Variants in BUD13 observed in about 807,000 individuals in gnomAD.
BUD13 encodes BUD13 homolog.
Under a neutral mutation model 62.5 loss-of-function variants are expected in BUD13, and 47 were observed. That is an observed-to-expected ratio of 0.75 (90% CI 0.60 to 0.96). The LOEUF is 0.96. Ranked by LOEUF, BUD13 falls within the 40% of genes least tolerant of loss-of-function variation. The probability of loss-of-function intolerance (pLI) is 0.00; values close to 1 mark genes in which losing one functional copy is unlikely to be tolerated. For missense variants in BUD13, 821 were observed against 790.9 expected, an observed-to-expected ratio of 1.04 and a Z score of -0.46; for synonymous variants, 293 against 280.1, an observed-to-expected ratio of 1.05 and a Z score of -0.46.
rs1940455270 is a variant in BUD13 at position 116,762,816 on chromosome 11, G to C, written c.773C>G (p.Ser258Cys). ...CCTTCTGAGTTGCTGTGTGTCTGAAGAGCCAAGAGTCCTCCTAGATGTGTC... is the reference window on the plus strand; with the variant it reads ...CCTTCTGAGTTGCTGTGTGTCTGAACAGCCAAGAGTCCTCCTAGATGTGTC... ...SPDTSRRTLGSSDTQQLRRAR... is the reference protein window; with the variant it reads ...SPDTSRRTLGCSDTQQLRRAR... The change falls in exon 4 of 10, where the codon TCT becomes TGT. Residue 258 changes from serine to cysteine, a missense_variant. By Grantham distance (112) the Ser-to-Cys change is moderately radical. Around this residue, in one of 2 missense-constraint regions of BUD13, gnomAD observed 800 missense variants for 739.2 expected, o/e 1.08. Transcript: ENST00000260210. 2 of 1,612,638 alleles carry C rather than the reference G, an allele frequency of 1.2e-6. No homozygotes were observed. Among genetic ancestry groups the C allele is most frequent in the South Asian group, 2.2e-5 (2 of 90,982 alleles).
At chr11:116,770,785 C>T (rs1046047651) in intron 1 of BUD13, among the ~76,000 whole-genome samples, 3 of 150,668 alleles carry the variant, frequency 2.0e-5, no homozygotes, top group Non-Finnish European at 4.4e-5. Flanking sequence ...TGAGCCACCG[C>T]GCCCGGCCCT....
At chr11:116,748,980 C>CAA (rs58988682) in intron 9 of BUD13, among the ~76,000 whole-genome samples, 68 of 86,832 alleles carry the variant, frequency 7.8e-4, no homozygotes, top group Non-Finnish European at 8.9e-4. Flanking sequence ...GACTCTGTCT[C>CAA]AAAAAAAAAA....
At chr11:116,770,328 T>C (rs1219914750) in intron 1 of BUD13, 106 bp from the exon 2 acceptor site, 4 of 883,512 alleles carry the variant, frequency 4.5e-6, no homozygotes, top group African/African-American at 3.5e-5. Flanking sequence ...GGATCCTGCA[T>C]GGTCCAGTCT....
At chr11:116,751,110 T>C (rs1035104127) in intron 9 of BUD13, among the ~76,000 whole-genome samples, 7 of 152,226 alleles carry the variant, frequency 4.6e-5, no homozygotes, top group African/African-American at 1.7e-4. Context: ...TACTCTTCCT[T>C]TGTGCTCCCA....
chr11:116,757,809 G>A lies in BUD13; in HGVS notation c.1641C>T (p.Asn547=). ...EQEREGDPMA[N]FIKKNKAKEN... ...CCTTGGCCTTATTCTTCTTGATGAA[G>A]TTGGCCATAGGGTCCCCCTCTCTTT... The change falls in exon 8 of 10, where the codon AAC becomes AAT. Residue 547 remains asparagine (N), a synonymous_variant. Coordinates refer to ENST00000260210, the MANE Select transcript of BUD13 (RefSeq NM_032725.4). 1 of 1,613,834 alleles carries A rather than the reference G, an allele frequency of 6.2e-7. No individual in the cohort carries two copies. The highest frequency in any genetic ancestry group is 8.5e-7 in the Non-Finnish European group (1 of 1,179,938).
chr11:116,769,269 T>C (rs973252272), intron 2 of BUD13, among the ~76,000 whole-genome samples: 1 of 152,198 alleles, frequency 6.6e-6, no homozygotes, highest in Non-Finnish European at 1.5e-5. Context: ...ATACAAAGTA[T>C]GCTACCTCCC....
chr11:116,765,589 G>C (rs79874233), intron 2 of BUD13, 143 bp from the exon 3 acceptor site: 9,681 of 734,012 alleles, frequency 0.013, 117 homozygotes, highest in Non-Finnish European at 0.015. Context: ...GAAGTAAGTA[G>C]GGGTCTTCAG....
intron 4 of BUD13, among the ~76,000 whole-genome samples, chr11:116,761,321 G>T (rs547151016): frequency 1.6e-4 from 24 of 152,292 alleles, no homozygotes; most frequent in African/African-American, 5.8e-4. Flanking sequence ...AAAGTGCTGG[G>T]ATTATAGGCT....
chr11:116,751,928 G>T (rs984916924), intron 9 of BUD13, among the ~76,000 whole-genome samples: 4 of 152,100 alleles, frequency 2.6e-5, no homozygotes, highest in Non-Finnish European at 5.9e-5. Flanking sequence ...TAGGCAAACT[G>T]CTTATTTATT....
At position 116,758,583 on chromosome 11, in the gene BUD13, C is replaced by CTTT. The variant is rs397687372; in HGVS notation, c.1361-179_1361-177dup. Among the ~76,000 whole-genome samples the CTTT allele has an allele frequency of 5.2e-3, 604 of 116,614 alleles. 11 individuals carry two copies. The highest frequency in any genetic ancestry group is 0.016 in the African/African-American group (506 of 31,624). 76.5% of individuals were successfully genotyped at this position (116,614 alleles called of 152,430 possible). On this transcript the variant is annotated intron_variant, in intron 6 of 9. Transcript: ENST00000260210. ...ACTGGGCCCAAGAAATGGCATTTTC[C>CTTT]TTTTTTTTTTTTTTTTTTTTTTGAG...
chr11:116,766,987 T>C (rs549317187), intron 2 of BUD13, among the ~76,000 whole-genome samples: 2 of 150,116 alleles, frequency 1.3e-5, no homozygotes, highest in South Asian at 4.2e-4. Flanking sequence ...CAGGAGTTCA[T>C]GACCAGCCTA....
intron 3 of BUD13, 86 bp from the exon 4 acceptor site, chr11:116,763,352 G>A: frequency 7.9e-7 from 1 of 1,260,544 alleles, no homozygotes; most frequent in South Asian, 1.5e-5. Flanking sequence ...AGATGCTCCA[G>A]TAGCACATAC....
At chr11:116,752,116 T>A (rs1488099833) in intron 9 of BUD13, among the ~76,000 whole-genome samples, 1 of 152,136 alleles carries the variant, frequency 6.6e-6, no homozygotes, top group Non-Finnish European at 1.5e-5. Flanking sequence ...GCTAATTTTT[T>A]GTATTTTTTT....
At chr11:116,749,946 C>T (rs1940203953) in intron 9 of BUD13, among the ~76,000 whole-genome samples, 1 of 152,146 alleles carries the variant, frequency 6.6e-6, no homozygotes, top group Non-Finnish European at 1.5e-5. Context: ...AGTTAGAGAG[C>T]ACAAGAGTAG....
intron 9 of BUD13, among the ~76,000 whole-genome samples, chr11:116,752,497 TAA>T (rs66505542): frequency 6.6e-6 from 1 of 151,600 alleles, no homozygotes; most frequent in African/African-American, 2.4e-5. Context: ...TAAATACTAG[TAA>T]AAAAAAACTA....
intron 9 of BUD13, among the ~76,000 whole-genome samples, chr11:116,749,165 A>G (rs1295953332): frequency 6.6e-6 from 1 of 152,134 alleles, no homozygotes; most frequent in Non-Finnish European, 1.5e-5. Context: ...GTTCTCTCTC[A>G]GCTGATGTCC....
chr11:116,754,237 G>T (rs1474260560), intron 9 of BUD13, among the ~76,000 whole-genome samples: 1 of 152,180 alleles, frequency 6.6e-6, no homozygotes, highest in African/African-American at 2.4e-5. Flanking sequence ...TGTAGAGACA[G>T]GGTTTTGCCA....
At chr11:116,772,734 G>T in intron 1 of BUD13, 88 bp downstream of exon 1, 2 of 1,405,216 alleles carry the variant, frequency 1.4e-6, no homozygotes, top group Non-Finnish European at 1.9e-6. Flanking sequence ...GACCCGCCAA[G>T]AGGGAAGGAA....
intron 9 of BUD13, among the ~76,000 whole-genome samples, chr11:116,754,813 T>C (rs1022274589): frequency 1.3e-5 from 2 of 152,158 alleles, no homozygotes; most frequent in Admixed American, 6.5e-5. Context: ...TATGCAAAGA[T>C]GGAAGACCCT....
Sources: allele counts gnomAD v4.1 joint callset (sites outside exome capture counted in the v4.1 genomes callset), GRCh38; gene constraint gnomAD v4.1.1; regional missense constraint gnomAD v4.1.1; transcripts MANE v1.5; gene names NCBI Gene and HGNC (gene_info 2026-07-23, HGNC 2026-07-21).